PTPRM: variants seen among roughly 807,000 people sequenced by gnomAD.
PTPRM encodes the protein protein tyrosine phosphatase receptor type M.
In PTPRM, 47 loss-of-function variants were observed where a neutral mutation model predicts 186.7. The ratio of observed to expected loss-of-function variants is 0.25; its 90% CI spans 0.20 to 0.32. The LOEUF is 0.32. Ranked by LOEUF, PTPRM falls within the 10% of genes least tolerant of loss-of-function variation. The pLI is 1.00. For missense variants in PTPRM, 1,494 were observed against 1,865.0 expected (o/e 0.80, Z 3.66); for synonymous variants, 668 against 674.9 (o/e 0.99, Z 0.16).
At chr18:8,003,868 G>A (rs1307926863) in intron 7 of PTPRM, among the ~76,000 whole-genome samples, 1 of 152,176 alleles carries the variant, frequency 6.6e-6, no homozygotes, top group Admixed American at 6.5e-5. Context: ...TCTACTTAAA[G>A]AAACTTAGGG....
intron 14 of PTPRM, among the ~76,000 whole-genome samples, chr18:8,202,850 T>C (rs1477396939): frequency 6.6e-6 from 1 of 152,176 alleles, no homozygotes; most frequent in Non-Finnish European, 1.5e-5. Context: ...CGTTTCTTTC[T>C]ATTTGAAAAG....
At chr18:7,984,679 TAATTA>T (rs1455703764) in intron 7 of PTPRM, among the ~76,000 whole-genome samples, 2 of 114,912 alleles carry the variant, frequency 1.7e-5, no homozygotes, top group African/African-American at 5.8e-5. Context: ...CACACATATA[TAATTA>T]TATATATACA....
intron 1 of PTPRM, among the ~76,000 whole-genome samples, chr18:7,577,504 A>G (rs961435142): frequency 2.0e-5 from 3 of 152,196 alleles, no homozygotes; most frequent in Non-Finnish European, 2.9e-5. Context: ...CTGATATAGA[A>G]TGAAATGAAT....
chr18:8,387,682 C>T (rs2509550), intron 31 of PTPRM, among the ~76,000 whole-genome samples: 97,957 of 152,026 alleles, frequency 0.64, 31,784 homozygotes, highest in East Asian at 0.74. Context: ...CAGTTTACCA[C>T]CACATTACTT....
intron 1 of PTPRM, among the ~76,000 whole-genome samples, chr18:7,643,573 C>T (rs1324014283): frequency 2.0e-5 from 3 of 152,136 alleles, no homozygotes; most frequent in Non-Finnish European, 2.9e-5. Flanking sequence ...ATCTCCTGAC[C>T]TTGTGATCTG....
At chr18:7,657,008 T>G (rs2038865475) in intron 1 of PTPRM, among the ~76,000 whole-genome samples, 2 of 151,424 alleles carry the variant, frequency 1.3e-5, no homozygotes, top group African/African-American at 4.9e-5. Flanking sequence ...TTGGAAACTT[T>G]CTGCTTCTTA....
At chr18:8,055,227 T>C (rs2087837838) in intron 7 of PTPRM, among the ~76,000 whole-genome samples, 1 of 152,204 alleles carries the variant, frequency 6.6e-6, no homozygotes, top group Non-Finnish European at 1.5e-5. Context: ...TCTCCTCTAT[T>C]CCCTGTGTTC....
intron 13 of PTPRM, among the ~76,000 whole-genome samples, chr18:8,120,905 C>T (rs1031850131): frequency 6.6e-6 from 1 of 152,182 alleles, no homozygotes; most frequent in Non-Finnish European, 1.5e-5. Context: ...CAACAGTAGT[C>T]TATGACCAAA....
intron 7 of PTPRM, among the ~76,000 whole-genome samples, chr18:8,033,988 G>C (rs1227138952): frequency 2.0e-5 from 3 of 152,074 alleles, no homozygotes; most frequent in Non-Finnish European, 2.9e-5. Flanking sequence ...CATCACTCCA[G>C]TCTCTGCCTC....
intron 2 of PTPRM, among the ~76,000 whole-genome samples, chr18:7,849,255 T>G (rs1199120629): frequency 6.6e-6 from 1 of 152,222 alleles, no homozygotes; most frequent in Admixed American, 6.5e-5. Flanking sequence ...CAAGTTTCAT[T>G]GGGGATTCAG....
intron 15 of PTPRM, 150 bp downstream of exon 15, chr18:8,244,359 G>A (rs1228343673): frequency 7.6e-6 from 6 of 785,176 alleles, no homozygotes; most frequent in East Asian, 3.1e-5. Flanking sequence ...GATCCTTTGT[G>A]CCACAGGTTG....
At chr18:8,352,504 G>A (rs1001661574) in intron 23 of PTPRM, among the ~76,000 whole-genome samples, 1 of 151,714 alleles carries the variant, frequency 6.6e-6, no homozygotes, top group African/African-American at 2.4e-5. Flanking sequence ...TATACCCAAC[G>A]TTTAGCTCCC....
chr18:8,014,100 T>A (rs2084707339), intron 7 of PTPRM, among the ~76,000 whole-genome samples: 1 of 152,150 alleles, frequency 6.6e-6, no homozygotes, highest in Admixed American at 6.5e-5. Context: ...AATAATGAGA[T>A]CTTATTTTGG....
intron 5 of PTPRM, among the ~76,000 whole-genome samples, chr18:7,935,362 A>T (rs922719864): frequency 6.6e-6 from 1 of 151,500 alleles, no homozygotes; most frequent in African/African-American, 2.5e-5. Flanking sequence ...GACTGAAGCT[A>T]CTGAAAACCT....
intron 23 of PTPRM, among the ~76,000 whole-genome samples, chr18:8,356,741 G>A (rs574202921): frequency 5.3e-5 from 8 of 152,246 alleles, no homozygotes; most frequent in African/African-American, 1.4e-4. Flanking sequence ...GCAGGTAGGT[G>A]GAATCCCAGG....
At chr18:8,199,044 T>C (rs1315285736) in intron 14 of PTPRM, among the ~76,000 whole-genome samples, 1 of 152,054 alleles carries the variant, frequency 6.6e-6, no homozygotes, top group Non-Finnish European at 1.5e-5. Context: ...GATCAGATCA[T>C]GCCTGCTCCA....
chr18:8,018,974 C>G (rs550942535), intron 7 of PTPRM, among the ~76,000 whole-genome samples: 1 of 152,076 alleles, frequency 6.6e-6, no homozygotes, highest in Non-Finnish European at 1.5e-5. Context: ...TCCGTAATAA[C>G]GACAGTAATA....
chr18:7,936,324 G>A (rs1329185688), intron 5 of PTPRM, among the ~76,000 whole-genome samples: 1 of 152,204 alleles, frequency 6.6e-6, no homozygotes, highest in Non-Finnish European at 1.5e-5. Flanking sequence ...CACTCTCAGG[G>A]ACCCAGGAAG....
intron 29 of PTPRM, 74 bp downstream of exon 29, chr18:8,380,501 A>C: frequency 6.4e-6 from 10 of 1,567,190 alleles, no homozygotes; most frequent in Non-Finnish European, 8.8e-6. Flanking sequence ...GTTTGTTTGC[A>C]CCCGAGAAGT....
Sources: allele counts gnomAD v4.1 joint callset (sites outside exome capture counted in the v4.1 genomes callset), GRCh38; gene constraint gnomAD v4.1.1; transcripts MANE v1.5; gene names NCBI Gene and HGNC (gene_info 2026-07-23, HGNC 2026-07-21).